The following SYCE1 variants were observed in gnomAD, a reference collection of about 807,000 sequenced individuals.
SYCE1 encodes synaptonemal complex central element protein 1, also known as cancer/testis antigen 76.
Under a neutral mutation model 55.1 loss-of-function variants are expected in SYCE1, and 37 were observed. The ratio of observed to expected loss-of-function variants is 0.67; its 90% CI spans 0.52 to 0.88. The LOEUF is 0.88. Among genes scored for constraint, SYCE1 ranks in the 40% least tolerant of loss-of-function variants. The probability of loss-of-function intolerance (pLI) is 0.00; values close to 1 mark genes in which losing one functional copy is unlikely to be tolerated. For synonymous variants in SYCE1, 163 were observed against 159.4 expected (o/e 1.02, Z -0.17); for missense variants, 399 against 416.4 (o/e 0.96, Z 0.36).
At chr10:133,565,198 G>A (rs945098812) in intron 1 of SYCE1, among the ~76,000 whole-genome samples, 1 of 152,174 alleles carries the variant, frequency 6.6e-6, no homozygotes, top group Non-Finnish European at 1.5e-5. Context: ...GTGGGACAAC[G>A]GGAAGGGATG....
chr10:133,556,719 G>A (rs1304602015), intron 8 of SYCE1, 40 bp downstream of exon 8: 4 of 1,548,372 alleles, frequency 2.6e-6, no homozygotes, highest in Non-Finnish European at 3.5e-6. Context: ...TGCTGCTAGG[G>A]AAGATGTGGA....
intron 1 of SYCE1, chr10:133,564,510 T>G: frequency 2.3e-6 from 2 of 851,182 alleles, no homozygotes; most frequent in Non-Finnish European, 2.8e-6. Flanking sequence ...CTGTCCTGTT[T>G]ACTTGCTTTG....
upstream of SYCE1, chr10:133,568,064 C>T (rs1229305309): frequency 6.1e-6 from 4 of 651,964 alleles, no homozygotes; most frequent in East Asian, 3.0e-5. Context: ...GGCCCGGGGG[C>T]CAGATGTGGT....
chr10:133,557,680 TGA>T (rs1200738111), intron 6 of SYCE1, 182 bp downstream of exon 6: 12 of 629,484 alleles, frequency 1.9e-5, no homozygotes, highest in African/African-American at 1.1e-4. Flanking sequence ...GTCTTGCCAT[TGA>T]GAGAGTTTCC....
At chr10:133,562,273 G>A (rs1166100015) in intron 1 of SYCE1, among the ~76,000 whole-genome samples, 3 of 6,824 alleles carry the variant, frequency 4.4e-4, no homozygotes, top group East Asian at 0.013. Flanking sequence ...GTGTGTGTGT[G>A]TGTGTGTGTG....
chr10:133,565,661 G>A (rs1037216153), upstream of SYCE1: 3 of 851,480 alleles, frequency 3.5e-6, no homozygotes, highest in South Asian at 5.7e-5. Flanking sequence ...GGAGATGTGA[G>A]GTAATTCTCC....
At chr10:133,554,723 T>G, downstream of SYCE1, 1 of 876,110 alleles carries the variant, frequency 1.1e-6, no homozygotes, top group Non-Finnish European at 1.9e-6. Flanking sequence ...GGTATGTGTA[T>G]GTGTGTATGC....
At chr10:133,567,949 C>T (rs1241608886), upstream of SYCE1, 11 of 563,972 alleles carry the variant, frequency 2.0e-5, no homozygotes, top group Non-Finnish European at 3.0e-5. Flanking sequence ...CGGTGGATGG[C>T]GGGTCCACAG....
intron 2 of SYCE1, 51 bp from the exon 3 acceptor site, chr10:133,559,411 G>C: frequency 6.4e-7 from 1 of 1,571,862 alleles, no homozygotes; most frequent in Non-Finnish European, 8.8e-7. Context: ...AGTTGGGGCG[G>C]TTGCCAGCCT....
chr10:133,563,990 T>C (rs1382279773), intron 1 of SYCE1, among the ~76,000 whole-genome samples: 1 of 150,492 alleles, frequency 6.6e-6, no homozygotes, highest in Non-Finnish European at 1.5e-5. Flanking sequence ...ATAACATCCC[T>C]GCTTCCTTTT....
rs1290537370 is a variant in SYCE1, at chr10:133,555,993, G to GT, written c.582_583insA (p.Leu195ThrfsTer26). On this transcript the variant is annotated frameshift_variant, in exon 9 of 13. Transcript: ENST00000343131. LOFTEE classifies it high-confidence loss of function. ...TCCCTGGTCTCACCTTCCTTGAGCAGCTGCTCCTTGCTGCTGTCCAGGGCA... is the reference window on the plus strand; with the variant it reads ...TCCCTGGTCTCACCTTCCTTGAGCAGTCTGCTCCTTGCTGCTGTCCAGGGCA... The GT allele has an allele frequency of 1.2e-6, 2 of 1,614,044 alleles. No homozygotes were observed. Among genetic ancestry groups the GT allele is most frequent in the African/African-American group, 2.7e-5 (2 of 74,928 alleles).
intron 1 of SYCE1, chr10:133,561,096 G>A (rs1851805458): frequency 6.6e-6 from 1 of 152,110 alleles, no homozygotes; most frequent in South Asian, 2.1e-4. Flanking sequence ...TCCCTAAAAA[G>A]CATAAAACCA....
intron 12 of SYCE1, 80 bp downstream of exon 12, chr10:133,555,271 C>G: frequency 6.3e-7 from 1 of 1,595,644 alleles, no homozygotes; most frequent in South Asian, 1.1e-5. Context: ...GTCCCAGGAC[C>G]CCCTCCCTTG....
chr10:133,564,286 A>G (rs1851877323), intron 1 of SYCE1: 3 of 649,824 alleles, frequency 4.6e-6, no homozygotes, highest in African/African-American at 2.0e-5. Context: ...GGCCCCCACC[A>G]GACGCTGAAT....
Position 133,557,865 on chromosome 10 carries a change from T to C in SYCE1, c.373A>G (p.Arg125Gly), listed in dbSNP as rs141668584. The C allele has an allele frequency of 1.5e-3, 2,458 of 1,614,122 alleles. 12 individuals are homozygous for C. The highest frequency in any genetic ancestry group is 1.6e-3 in the South Asian group (142 of 91,084). Residue 125 changes from arginine (R) to glycine (G), a missense_variant and splice_region_variant, in exon 6 of 13, where the codon AGG becomes GGG. Transcript: ENST00000343131. ...TTAGGCTCAGCTGGAAGCTCTTACCTGTGTGCCTCACTTTCCTTTTCCTGG... is the reference window on the plus strand; with the variant it reads ...TTAGGCTCAGCTGGAAGCTCTTACCCGTGTGCCTCACTTTCCTTTTCCTGG... Reference protein sequence around the residue: ...HCQEKESEAHRKHTMLQECKE... With the variant: ...HCQEKESEAHGKHTMLQECKE...
intron 2 of SYCE1, chr10:133,559,685 C>T (rs1273217148): frequency 7.1e-6 from 3 of 422,984 alleles, no homozygotes; most frequent in Non-Finnish European, 1.3e-5. Context: ...GCAGGCCCTG[C>T]AGCAATTTGG....
At chr10:133,567,558 T>G (rs1237815583), upstream of SYCE1, among the ~76,000 whole-genome samples, 1 of 152,012 alleles carries the variant, frequency 6.6e-6, no homozygotes, top group East Asian at 1.9e-4. Flanking sequence ...GGTTAGCACC[T>G]AACGTTTTCC....
upstream of SYCE1, among the ~76,000 whole-genome samples, chr10:133,566,033 C>T (rs1029166809): frequency 2.6e-5 from 4 of 152,082 alleles, no homozygotes; most frequent in Admixed American, 1.3e-4. Context: ...CCGCTGGGCC[C>T]GCTGTTCCTG....
At position 133,555,724 on chromosome 10, in the gene SYCE1, G is replaced by C. The variant is rs761093744; in HGVS notation, c.720-17C>G. The C allele has an allele frequency of 4.1e-5, 66 of 1,607,318 alleles. No individual in the cohort carries two copies. In the Admixed American group the frequency reaches 9.5e-4, roughly 23 times the overall value. ...AACAGCTGCCTGGGGGGCCCAGTAG[G>C]GGGTGGTCAGCACCGGCCACTCCCT... On this transcript the variant is annotated splice_polypyrimidine_tract_variant and intron_variant, in intron 10 of 12. Coordinates refer to ENST00000343131, the MANE Select transcript of SYCE1 (RefSeq NM_001143764.3).
Sources: gnomAD v4.1 joint callset for allele counts (sites outside exome capture counted in the v4.1 genomes callset) on GRCh38, gnomAD v4.1.1 for gene constraint, MANE v1.5 for transcripts, NCBI Gene and HGNC (gene_info 2026-07-23, HGNC 2026-07-21) for gene names.